SLX4: variants seen among roughly 807,000 people sequenced by gnomAD.
SLX4 encodes the protein structure-specific endonuclease subunit SLX4.
A neutral mutation model predicts 146.2 loss-of-function variants in SLX4; 112 were observed. The ratio of observed to expected loss-of-function variants is 0.77; its 90% CI spans 0.66 to 0.90. The LOEUF is 0.90. Among genes scored for constraint, SLX4 ranks in the 40% least tolerant of loss-of-function variants. The probability of loss-of-function intolerance (pLI) is 0.00; values close to 1 mark genes in which losing one functional copy is unlikely to be tolerated. For missense variants in SLX4, 2,563 were observed against 2,392.7 expected, an observed-to-expected ratio of 1.07 and a Z score of -1.49; for synonymous variants, 1,061 against 997.7, an observed-to-expected ratio of 1.06 and a Z score of -1.20.
Position 3,583,406 on chromosome 16 carries a change from T to A in SLX4, c.4844A>T (p.Gln1615Leu), listed in dbSNP as rs1402983090. Residue 1615 changes from glutamine to leucine, a missense_variant, in exon 14 of 15, where the codon CAG becomes CTG. Transcript: ENST00000294008. ...TLDSDSEDESQSSQPLLQAPH... is the reference protein window; with the variant it reads ...TLDSDSEDESLSSQPLLQAPH... ...CGCCTGCAACAGCGGCTGTGAGGAC[T>A]GGCTCTCGTCCTCGGAGTCTGAGTC... is the stretch of plus-strand genomic sequence containing the variant. 9 of 1,613,416 alleles carry A rather than the reference T, an allele frequency of 5.6e-6. No individual in the cohort carries two copies. The highest frequency in any genetic ancestry group is 7.6e-6 in the Non-Finnish European group (9 of 1,179,490).
rs1473731488 is a variant in SLX4 at position 3,609,167 on chromosome 16, G to A, written c.-203C>T. The A allele has an allele frequency of 9.0e-6, 5 of 556,976 alleles. No homozygotes were observed. The highest frequency in any genetic ancestry group is 1.9e-5 in the African/African-American group (1 of 53,426). 34.5% of individuals were successfully genotyped at this position (556,976 alleles called of 1,614,324 possible). A position where few individuals can be genotyped will look rare whatever the true frequency, so the allele number is the denominator to read the frequency against. ...ACTTGTAATCCCAGCTCTTTTGGAGGACGAGGCGGGGGGTGGATCACCTGA... is the reference window on the plus strand; with the variant it reads ...ACTTGTAATCCCAGCTCTTTTGGAGAACGAGGCGGGGGGTGGATCACCTGA... On this transcript the variant is annotated 5_prime_UTR_variant, in exon 2 of 15. Transcript: ENST00000294008.
At chr16:3,587,761 T>C (rs75530096) in intron 12 of SLX4, among the ~76,000 whole-genome samples, 3,240 of 152,318 alleles carry the variant, frequency 0.021, 121 homozygotes, top group African/African-American at 0.069. Flanking sequence ...TCTCCAGGTG[T>C]TTCTGAAGCC....
At chr16:3,588,878 G>T in intron 12 of SLX4, 124 bp downstream of exon 12, 1 of 1,219,510 alleles carries the variant, frequency 8.2e-7, no homozygotes. Flanking sequence ...CAGCGGAAGT[G>T]TCATGCCTCA....
rs145643443 is a variant in SLX4, at chr16:3,604,638, T to C, written c.760+1836A>G. ...GAGTTCCAGAACAGCCTGGCCGGCA[T>C]GGTGAAACCCCAACTCTACTAAAAA... On this transcript the variant is annotated intron_variant, in intron 3 of 14. Coordinates refer to ENST00000294008, the MANE Select transcript of SLX4 (RefSeq NM_032444.4). 3.4e-3 allele frequency among the ~76,000 whole-genome samples: 514 copies of C among 152,112 alleles called. 1 individual carries two copies. Among genetic ancestry groups the C allele is most frequent in the Middle Eastern group, 0.024 (7 of 294 alleles).
chr16:3,591,047 A>G lies in SLX4; in HGVS notation c.2591T>C (p.Leu864Pro). The change falls in exon 12 of 15, where the codon CTT becomes CCT. Residue 864 changes from leucine (L) to proline (P), a missense_variant. Physicochemically the swap from Leu to Pro is moderately conservative, Grantham distance 98. Transcript: ENST00000294008. ...ACCCGCTGCCCTTTCTTCCTGGAGA[A>G]GCTTTCGCTGAGTAGCTGCAAATTC... The part of the protein sequence containing the change: ...IYEFAATQRK[L>P]LQEERAAGAG... 3 of 1,614,144 alleles carry G rather than the reference A, an allele frequency of 1.9e-6. No individual in the cohort carries two copies. In the African/African-American group the frequency reaches 4.0e-5, roughly 22 times the overall value.
At position 3,594,506 on chromosome 16, in the gene SLX4, G is replaced by C. The variant is rs1161173397; in HGVS notation, c.2107C>G (p.Leu703Val). 2.5e-6 allele frequency: 4 copies of C among 1,614,160 alleles called. No individual in the cohort carries two copies. In the South Asian group the frequency reaches 3.3e-5, roughly 13 times the overall value. Reference protein sequence around the residue: ...VQFQTDSGEVLYAHKFVLYAR... With the variant: ...VQFQTDSGEVVYAHKFVLYAR... Reference sequence around the variant, plus strand: ...TAAAGCACGAACTTGTGGGCGTAAAGCACCTCCCCGCTGTCCGTCTGAAAC... The same window carrying C: ...TAAAGCACGAACTTGTGGGCGTAAACCACCTCCCCGCTGTCCGTCTGAAAC... The change falls in exon 10 of 15, where the codon CTT becomes GTT. Residue 703 changes from leucine (L) to valine (V), a missense_variant. Coordinates refer to ENST00000294008, the MANE Select transcript of SLX4 (RefSeq NM_032444.4).
rs756448789 is a variant in SLX4 at position 3,590,597 on chromosome 16, C to T, written c.3041G>A (p.Arg1014Lys). The T allele has an allele frequency of 4.0e-5, 65 of 1,613,616 alleles. No individual in the cohort carries two copies. The highest frequency in any genetic ancestry group is 4.8e-5 in the Non-Finnish European group (57 of 1,179,672). ...CAGGCGATGAGAAACCTCCAGCCCCCTTTCCCTGACAGCGCCACTTTGTTC... is the reference window on the plus strand; with the variant it reads ...CAGGCGATGAGAAACCTCCAGCCCCTTTTCCCTGACAGCGCCACTTTGTTC... ...PEEQSGAVRERGLEVSHRLAP... is the reference protein window; with the variant it reads ...PEEQSGAVREKGLEVSHRLAP... The change falls in exon 12 of 15, where the codon AGG becomes AAG. Residue 1014 changes from arginine to lysine, a missense_variant. Arg to Lys is a conservative substitution (Grantham distance 26, BLOSUM62 2). Coordinates refer to ENST00000294008, the MANE Select transcript of SLX4 (RefSeq NM_032444.4). This position sits in a 1 kb window ranked among gnomAD's most constrained non-coding sequence, Gnocchi z 4.8.
intron 2 of SLX4, among the ~76,000 whole-genome samples, chr16:3,607,305 C>T (rs1179311127): frequency 6.6e-6 from 1 of 152,068 alleles, no homozygotes; most frequent in Non-Finnish European, 1.5e-5. Context: ...CTGATGCCTT[C>T]CAGTAGTCTA....
chr16:3,595,422 T>C lies in SLX4; in HGVS notation c.2013+183A>G, dbSNP rs112385346. Among the ~76,000 whole-genome samples the C allele has an allele frequency of 0.063, 9,622 of 152,134 alleles. 322 individuals carry two copies. The highest frequency in any genetic ancestry group is 0.073 in the Admixed American group (1,123 of 15,288). On this transcript the variant is annotated intron_variant, in intron 9 of 14. Transcript: ENST00000294008. ...CAGAGCCCCCAGAGGGGCGCTGAGG[T>C]GGCTGTGGGTCCGTGGCTCTGCTCA...
chr16:3,596,366 G>C lies in SLX4; in HGVS notation c.1711C>G (p.Leu571Val). 1 of 1,597,338 alleles carries C rather than the reference G, an allele frequency of 6.3e-7. No individual in the cohort carries two copies. The highest frequency in any genetic ancestry group is 1.3e-5 in the African/African-American group (1 of 74,856). ...AGCTCTGAGTGCTCAGGTGGCACCA[G>C]AGGCGGCACGGGCTCCTGCATAAGG... is the stretch of plus-strand genomic sequence containing the variant. ...QGLMQEPVPP[L>V]VPPEHSELSE... Residue 571 changes from leucine to valine, a missense_variant, in exon 8 of 15, where the codon CTG becomes GTG. Coordinates refer to ENST00000294008, the MANE Select transcript of SLX4 (RefSeq NM_032444.4).
Position 3,597,576 on chromosome 16 carries a change from C to A in SLX4, c.1486G>T (p.Glu496Ter). The change falls in exon 7 of 15, where the codon GAA (glutamate) becomes TAA (stop). Residue 496 changes from glutamate to a stop codon, truncating the protein, a stop_gained. Transcript: ENST00000294008. LOFTEE classifies it high-confidence loss of function. This position sits in a 1 kb window ranked among gnomAD's most constrained non-coding sequence, Gnocchi z 4.4. ...RVALLLSEEV[E>*]LSSTPPLPAS... Reference sequence around the variant, plus strand: ...GGAAGTGGTGGCGTGCTAGACAATTCCACTTCCTCAGAGAGGAGCAGGGCC... The same window carrying A: ...GGAAGTGGTGGCGTGCTAGACAATTACACTTCCTCAGAGAGGAGCAGGGCC... 1 of 1,614,156 alleles carries A rather than the reference C, an allele frequency of 6.2e-7. No homozygotes were observed. The highest frequency in any genetic ancestry group is 1.6e-4 in the Middle Eastern group (1 of 6,062).
intron 11 of SLX4, 27 bp from the exon 12 acceptor site, chr16:3,591,337 C>T (rs756507080): frequency 2.1e-5 from 33 of 1,606,044 alleles, no homozygotes; most frequent in East Asian, 2.0e-4. Flanking sequence ...CGACAGTCAT[C>T]GCCCCTCTGC....
rs771178344 is a variant in SLX4, at chr16:3,583,143, C to T, written c.5107G>A (p.Val1703Met). 9.3e-6 allele frequency: 15 copies of T among 1,614,254 alleles called. No homozygotes were observed. The highest frequency in any genetic ancestry group is 1.3e-5 in the African/African-American group (1 of 75,070). Residue 1703 changes from valine to methionine, a missense_variant, in exon 14 of 15, where the codon GTG (valine) becomes ATG (methionine). Physicochemically the swap from Val to Met is conservative, Grantham distance 21 (BLOSUM62 1). Transcript: ENST00000294008. ...TCACTGCCATCCACAGAGGTGGCCA[C>T]GGATTCTTGAGAGGCTGGGATCTGG... is the stretch of plus-strand genomic sequence containing the variant. ...DAQIPASQES[V>M]ATSVDGSDSS...
rs116781836 is a variant in SLX4, at chr16:3,589,675, C to T, written c.3963G>A (p.Pro1321=). 9,760 of 1,613,938 alleles carry T rather than the reference C, an allele frequency of 6.0e-3. 144 individuals are homozygous for T. The highest frequency in any genetic ancestry group is 0.044 in the South Asian group (4,001 of 91,078). ...GAGAGACGGGAGTGAGGCATGAGGA[C>T]GGTGTCTGGGGCGGTGGTGTCTGGG... ...IRPQTPPPQT[P]SSCLTPVSPG... The change falls in exon 12 of 15, where the codon CCG becomes CCA. Residue 1321 remains proline, a synonymous_variant. Transcript: ENST00000294008. The surrounding 1 kb of genome is among the most constrained non-coding windows in gnomAD (Gnocchi z 6.2).
chr16:3,582,070 G>C lies in SLX4; in HGVS notation c.*272C>G, dbSNP rs2040442163. The C allele has an allele frequency of 3.7e-6, 2 of 542,334 alleles. No individual in the cohort carries two copies. The highest frequency in any genetic ancestry group is 6.6e-6 in the Non-Finnish European group (2 of 304,716). 33.6% of individuals were successfully genotyped at this position (542,334 alleles called of 1,614,324 possible). On this transcript the variant is annotated 3_prime_UTR_variant, in exon 15 of 15. Coordinates refer to ENST00000294008, the MANE Select transcript of SLX4 (RefSeq NM_032444.4). The stretch of plus-strand genomic sequence containing the variant: ...AGAAAAAAAAAAAGAAAACCAAAAA[G>C]GGAGACACACTGTGAGCACGGACAG...
rs371125801 is a variant in SLX4, at chr16:3,592,072, C to T, written c.2327+627G>A. ...AAGTCCTTGAGTCAGCCCAGGCCAA[C>T]GGGCAAGCCAGCCAGCCACCTGCTT... On this transcript the variant is annotated intron_variant, in intron 11 of 14. Coordinates refer to ENST00000294008, the MANE Select transcript of SLX4 (RefSeq NM_032444.4). 1.2e-4 allele frequency among the ~76,000 whole-genome samples: 19 copies of T among 152,382 alleles called. No homozygotes were observed. The East Asian group carries it at 2.5e-3, about 20-fold the overall frequency.
At chr16:3,601,392 G>T in intron 4 of SLX4, 1 of 612,698 alleles carries the variant, frequency 1.6e-6, no homozygotes, top group Non-Finnish European at 2.9e-6. Context: ...GTTGGCTAAA[G>T]AAAGCAAGGA....
intron 9 of SLX4, 47 bp from the exon 10 acceptor site, chr16:3,594,646 T>C (rs2151128645): frequency 6.2e-7 from 1 of 1,612,928 alleles, no homozygotes; most frequent in Non-Finnish European, 8.5e-7. Flanking sequence ...ACCTCTGCTC[T>C]GCTAACTGGG....
At chr16:3,602,876 G>C (rs959484079) in intron 3 of SLX4, among the ~76,000 whole-genome samples, 1 of 152,182 alleles carries the variant, frequency 6.6e-6, no homozygotes, top group Non-Finnish European at 1.5e-5. Context: ...GACTGATTCT[G>C]GTCTTGAGAT....
Sources: gnomAD v4.1 joint callset for allele counts (sites outside exome capture counted in the v4.1 genomes callset) on GRCh38, gnomAD v4.1.1 for gene constraint, Gnocchi (gnomAD v3.1) non-coding constraint, MANE v1.5 for transcripts, NCBI Gene and HGNC (gene_info 2026-07-23, HGNC 2026-07-21) for gene names.